The following NEDD9 variants were observed in gnomAD, a reference collection of about 807,000 sequenced individuals.
NEDD9 encodes neural precursor cell expressed, developmentally down-regulated 9.
In NEDD9, 26 loss-of-function variants were observed where a neutral mutation model predicts 76.6. The ratio of observed to expected loss-of-function variants is 0.34; its 90% CI spans 0.25 to 0.47. The LOEUF (loss-of-function observed/expected upper bound fraction) is 0.47, where lower values mean the gene tolerates loss of function less well. Among genes scored for constraint, NEDD9 ranks in the 20% least tolerant of loss-of-function variants. The pLI, the probability that NEDD9 is intolerant of heterozygous loss-of-function variation, is 1.00. For synonymous variants in NEDD9, 392 were observed against 414.2 expected, an observed-to-expected ratio of 0.95 and a Z score of 0.65; for missense variants, 937 against 1,058.5, an observed-to-expected ratio of 0.89 and a Z score of 1.59.
chr6:11,288,824 C>G (rs1760703228), intron 3 of NEDD9, among the ~76,000 whole-genome samples: 1 of 152,232 alleles, frequency 6.6e-6, no homozygotes, highest in African/African-American at 2.4e-5. Context: ...TTACTATACC[C>G]CAGATCAGCA....
intron 3 of NEDD9, among the ~76,000 whole-genome samples, chr6:11,269,928 C>A (rs891836675): frequency 2.6e-5 from 4 of 152,116 alleles, no homozygotes; most frequent in African/African-American, 9.7e-5. Context: ...GGAGTTGTAG[C>A]ACAGCCTGGC....
chr6:11,341,051 G>T (rs963218072), intron 1 of NEDD9, among the ~76,000 whole-genome samples: 3 of 152,122 alleles, frequency 2.0e-5, no homozygotes, highest in African/African-American at 7.2e-5. Context: ...CCCCCTGTTT[G>T]AAACTCTCTT....
At chr6:11,314,786 C>T (rs1761496399) in intron 2 of NEDD9, among the ~76,000 whole-genome samples, 2 of 152,128 alleles carry the variant, frequency 1.3e-5, no homozygotes, top group African/African-American at 2.4e-5. Context: ...GACCTGGGCT[C>T]GACTCTCAGG....
At chr6:11,216,295 A>G (rs2113764017) in intron 1 of NEDD9, among the ~76,000 whole-genome samples, 1 of 152,352 alleles carries the variant, frequency 6.6e-6, no homozygotes, top group Non-Finnish European at 1.5e-5. Context: ...GAACAGGAGT[A>G]TGAGTTATTT....
chr6:11,344,832 T>G lies in NEDD9; in HGVS notation c.-213-10271A>C, dbSNP rs184450808. On this transcript the variant is annotated intron_variant, in intron 1 of 3. Coordinates refer to the NEDD9 transcript ENST00000397378. ...CATTTCTTGTTTTCCCATCTCTCTT[T>G]CTTTTCCCCTACTCTCCACCCATTA... is the stretch of plus-strand genomic sequence containing the variant. 7.9e-5 allele frequency among the ~76,000 whole-genome samples: 12 copies of G among 152,296 alleles called. No homozygotes were observed. The East Asian group carries it at 2.3e-3, about 29-fold the overall frequency.
chr6:11,222,570 A>G (rs781089457), intron 1 of NEDD9, among the ~76,000 whole-genome samples: 3 of 152,258 alleles, frequency 2.0e-5, no homozygotes, highest in Non-Finnish European at 4.4e-5. Flanking sequence ...AAGCTCTTAC[A>G]CGCACATGTT....
At chr6:11,250,509 C>G (rs1351364312) in intron 3 of NEDD9, among the ~76,000 whole-genome samples, 4 of 152,164 alleles carry the variant, frequency 2.6e-5, no homozygotes, top group Non-Finnish European at 4.4e-5. Context: ...GAATCATGTC[C>G]TGAATCTACC....
intron 1 of NEDD9, among the ~76,000 whole-genome samples, chr6:11,378,114 G>A (rs1762996972): frequency 6.6e-6 from 1 of 152,168 alleles, no homozygotes. Context: ...GTGGTGGCAT[G>A]CACGTGTAAT....
At chr6:11,245,608 C>A (rs116006918) in intron 3 of NEDD9, among the ~76,000 whole-genome samples, 1 of 148,912 alleles carries the variant, frequency 6.7e-6, no homozygotes, top group Non-Finnish European at 1.5e-5. Flanking sequence ...GCAGCCAACG[C>A]GGCTGCAGGA....
At chr6:11,325,845 C>T (rs948570788) in intron 2 of NEDD9, among the ~76,000 whole-genome samples, 15 of 152,138 alleles carry the variant, frequency 9.9e-5, no homozygotes, top group African/African-American at 2.9e-4. Context: ...ACCCAATTTT[C>T]ATTTTAACAA....
In NEDD9 at chr6:11,330,981, G is replaced by A. The variant is rs565147708; in HGVS notation, c.-153+3520C>T. The stretch of plus-strand genomic sequence containing the variant: ...ATTTTCACAAATGGAATATTGTGTA[G>A]ATACTCTACTCTACAGACTCTAGAG... On this transcript the variant is annotated intron_variant, in intron 2 of 3. Transcript: ENST00000397378. Among the ~76,000 whole-genome samples, 4 of 152,256 alleles carry A rather than the reference G, an allele frequency of 2.6e-5. No homozygotes were observed. The South Asian group carries it at 8.3e-4, about 32-fold the overall frequency.
intron 1 of NEDD9, among the ~76,000 whole-genome samples, chr6:11,218,877 G>T (rs1759054090): frequency 6.6e-6 from 1 of 152,192 alleles, no homozygotes; most frequent in African/African-American, 2.4e-5. Flanking sequence ...CAGATCGGGA[G>T]CCTGACCCCC....
chr6:11,184,487 C>T lies in NEDD9; in HGVS notation c.*675G>A, dbSNP rs1020779003. On this transcript the variant is annotated 3_prime_UTR_variant, in exon 7 of 7. Coordinates refer to ENST00000379446, the MANE Select transcript of NEDD9 (RefSeq NM_006403.4). ...ACCCAATCCTAACTGTGGTCCTGGC[C>T]TCTAAACACACAGGTCTCTCTTCCC... The T allele has an allele frequency of 1.3e-5, 2 of 152,264 alleles. No individual in the cohort carries two copies. Among genetic ancestry groups the T allele is most frequent in the African/African-American group, 2.4e-5 (1 of 41,438 alleles). The allele number at this position is 152,264 out of a possible 1,614,324, so 9.4% of individuals were successfully genotyped here.
In NEDD9 at chr6:11,241,441, A is replaced by G. The variant is rs1482266629; in HGVS notation, c.13-27714T>C. Among the ~76,000 whole-genome samples, 1 of 152,032 alleles carries G rather than the reference A, an allele frequency of 6.6e-6. No individual in the cohort carries two copies. The highest frequency in any genetic ancestry group is 1.5e-5 in the Non-Finnish European group (1 of 68,014). On this transcript the variant is annotated intron_variant, in intron 3 of 3. Transcript: ENST00000397378. This position sits in a 1 kb window ranked among gnomAD's most constrained non-coding sequence, Gnocchi z 4.0. ...CCTCTTCCCCTCTCCACGTCTTGCT[A>G]TTGTCTAGTTGGACTAAGCAGAAAA...
chr6:11,227,703 A>G (rs1000431145), intron 1 of NEDD9, among the ~76,000 whole-genome samples: 2 of 152,214 alleles, frequency 1.3e-5, no homozygotes, highest in Admixed American at 1.3e-4. Flanking sequence ...ACTTAAAACT[A>G]AACAGGCCCA....
At chr6:11,246,139 G>A (rs117684314) in intron 3 of NEDD9, among the ~76,000 whole-genome samples, 3,317 of 152,278 alleles carry the variant, frequency 0.022, 68 homozygotes, top group East Asian at 0.11. Flanking sequence ...AATGTTAATA[G>A]CAAAGGATAA....
chr6:11,290,440 C>T (rs1182209661), intron 3 of NEDD9, among the ~76,000 whole-genome samples: 1 of 152,124 alleles, frequency 6.6e-6, no homozygotes, highest in East Asian at 1.9e-4. Context: ...TTGACTTTCC[C>T]CAAAGTAATT....
At chr6:11,339,481 T>A (rs1447389877) in intron 1 of NEDD9, among the ~76,000 whole-genome samples, 1 of 152,200 alleles carries the variant, frequency 6.6e-6, no homozygotes, top group African/African-American at 2.4e-5. Context: ...TCAACCTCTA[T>A]GAAAACCTAC....
At chr6:11,244,677 T>C (rs1418228606) in intron 3 of NEDD9, among the ~76,000 whole-genome samples, 4 of 152,230 alleles carry the variant, frequency 2.6e-5, no homozygotes, top group African/African-American at 9.6e-5. Context: ...GATTTGTATA[T>C]GAAGCCTGGG....
Sources: gnomAD v4.1 joint callset for allele counts (sites outside exome capture counted in the v4.1 genomes callset) on GRCh38, gnomAD v4.1.1 for gene constraint, Gnocchi (gnomAD v3.1) non-coding constraint, MANE v1.5 for transcripts, NCBI Gene and HGNC (gene_info 2026-07-23, HGNC 2026-07-21) for gene names.